CUL9: variants seen among roughly 807,000 people sequenced by gnomAD.
The protein encoded by CUL9 is cullin 9.
A neutral mutation model predicts 272.6 loss-of-function variants in CUL9; 79 were observed. That is an observed-to-expected ratio of 0.29 (90% CI 0.24 to 0.35). CUL9 has a LOEUF of 0.35. CUL9 is among the 10% of genes least tolerant of loss of function. The pLI is 1.00. For missense variants in CUL9, 2,532 were observed against 3,255.6 expected (o/e 0.78, Z 5.41); for synonymous variants, 1,186 against 1,286.5 (o/e 0.92, Z 1.67).
At position 43,187,272 on chromosome 6, in the gene CUL9, A is replaced by G. The variant is rs757166762; in HGVS notation, c.1414A>G (p.Met472Val). The G allele has an allele frequency of 3.7e-6, 6 of 1,613,798 alleles. No homozygotes were observed. In the African/African-American group the frequency reaches 5.3e-5, roughly 14 times the overall value. Residue 472 changes from methionine (M) to valine (V), a missense_variant, in exon 6 of 41, where the codon ATG becomes GTG. Coordinates refer to ENST00000252050, the MANE Select transcript of CUL9 (RefSeq NM_015089.4). ...ATTTCCCTCCTGGGACTGGAATCCT[A>G]TGGATGGGCTGTACCCTTTGCCGTA... is the stretch of plus-strand genomic sequence containing the variant. ...TAFPSWDWNP[M>V]DGLYPLPYLQ...
intron 8 of CUL9, 37 bp from the exon 9 acceptor site, chr6:43,192,964 T>C (rs778681634): frequency 6.2e-7 from 1 of 1,601,234 alleles, no homozygotes; most frequent in Admixed American, 1.7e-5. Flanking sequence ...GCAAGACTCC[T>C]TGGGATGGGG....
In CUL9 at chr6:43,221,439, C is replaced by T; in HGVS notation, c.6752+118C>T. 1 of 1,247,516 alleles carries T rather than the reference C, an allele frequency of 8.0e-7. No homozygotes were observed. The highest frequency in any genetic ancestry group is 1.1e-6 in the Non-Finnish European group (1 of 917,886). 77.3% of individuals were successfully genotyped at this position (1,247,516 alleles called of 1,614,324 possible). A position where few individuals can be genotyped will look rare whatever the true frequency, so the allele number is the denominator to read the frequency against. ...GCAAAAGAGGGTGGTTCCTCAGCCGCCCCTCACGTGGCAGCCTCCACGGTG... is the reference window on the plus strand; with the variant it reads ...GCAAAAGAGGGTGGTTCCTCAGCCGTCCCTCACGTGGCAGCCTCCACGGTG... On this transcript the variant is annotated intron_variant, in intron 34 of 40. Coordinates refer to ENST00000252050, the MANE Select transcript of CUL9 (RefSeq NM_015089.4). This position sits in a 1 kb window ranked among gnomAD's most constrained non-coding sequence, Gnocchi z 4.2.
chr6:43,218,213 T>A lies in CUL9; in HGVS notation c.6282+1710T>A, dbSNP rs1438028907. On this transcript the variant is annotated intron_variant, in intron 31 of 40. Coordinates refer to ENST00000252050, the MANE Select transcript of CUL9 (RefSeq NM_015089.4). The surrounding 1 kb of genome is among the most constrained non-coding windows in gnomAD (Gnocchi z 4.4). ...TTTTATTATATTATTTATTTATTTT[T>A]ATTTTATTATTATTATTTTTTGAGA... 6.6e-6 allele frequency among the ~76,000 whole-genome samples: 1 copy of A among 151,460 alleles called. No homozygotes were observed. Among genetic ancestry groups the A allele is most frequent in the Non-Finnish European group, 1.5e-5 (1 of 67,892 alleles).
rs891730539 is a variant in CUL9, at chr6:43,184,316, G to C, written c.6G>C (p.Val2=). Reference sequence around the variant, plus strand: ...GTGTATCCCAGGAGGTCAGGATGGTGGGGGAACGGCATGCTGGGGACCTCA... The same window carrying C: ...GTGTATCCCAGGAGGTCAGGATGGTCGGGGAACGGCATGCTGGGGACCTCA... M[V]GERHAGDLMV... The change falls in exon 2 of 41, where the codon GTG becomes GTC. Residue 2 remains valine, a synonymous_variant. Coordinates refer to ENST00000252050, the MANE Select transcript of CUL9 (RefSeq NM_015089.4). This position sits in a 1 kb window ranked among gnomAD's most constrained non-coding sequence, Gnocchi z 4.8. The C allele has an allele frequency of 6.6e-7, 1 of 1,514,842 alleles. No individual in the cohort carries two copies. Among genetic ancestry groups the C allele is most frequent in the Non-Finnish European group, 8.9e-7 (1 of 1,127,206 alleles). 93.8% of individuals were successfully genotyped at this position (1,514,842 alleles called of 1,614,324 possible).
chr6:43,184,961 TAAGA>T lies in CUL9; in HGVS notation c.595+61_595+64del. The T allele has an allele frequency of 2.3e-6, 3 of 1,331,850 alleles. No homozygotes were observed. The highest frequency in any genetic ancestry group is 3.1e-6 in the Non-Finnish European group (3 of 975,626). The allele number at this position is 1,331,850 out of a possible 1,614,324, so 82.5% of individuals were successfully genotyped here. On this transcript the variant is annotated intron_variant, in intron 2 of 40. Transcript: ENST00000252050. This position sits in a 1 kb window ranked among gnomAD's most constrained non-coding sequence, Gnocchi z 4.8. The stretch of plus-strand genomic sequence containing the variant: ...ATGGAGAAAATGGGGCCACAGGGAA[TAAGA>T]AAGAGGAGAGATTTCCTAGCTCTGT...
chr6:43,194,672 A>T (rs1038439025), intron 9 of CUL9, among the ~76,000 whole-genome samples: 3 of 152,112 alleles, frequency 2.0e-5, no homozygotes, highest in African/African-American at 7.2e-5. Context: ...CATAGTCCAG[A>T]TCATCATGCT....
At chr6:43,216,988 A>T (rs1775994506) in intron 31 of CUL9, among the ~76,000 whole-genome samples, 1 of 152,186 alleles carries the variant, frequency 6.6e-6, no homozygotes, top group Admixed American at 6.5e-5. Flanking sequence ...GGTTGCCCTT[A>T]TTACCATTTA....
In CUL9 at chr6:43,183,705, T is replaced by C. The variant is rs79082523; in HGVS notation, c.-9-597T>C. Among the ~76,000 whole-genome samples, 201 of 147,244 alleles carry C rather than the reference T, an allele frequency of 1.4e-3. 1 individual carries two copies. Among genetic ancestry groups the C allele is most frequent in the African/African-American group, 4.1e-3 (160 of 39,472 alleles). ...TTTTGTAAACTCCCCTTCCTTCCTT[T>C]CTTCCTTCCTTCCTTCCTTCCTTCC... On this transcript the variant is annotated intron_variant, in intron 1 of 40. Transcript: ENST00000252050.
chr6:43,221,153 C>G lies in CUL9; in HGVS notation c.6589-5C>G. 1 of 1,610,188 alleles carries G rather than the reference C, an allele frequency of 6.2e-7. No individual in the cohort carries two copies. The highest frequency in any genetic ancestry group is 8.5e-7 in the Non-Finnish European group (1 of 1,179,606). On this transcript the variant is annotated splice_polypyrimidine_tract_variant and splice_region_variant and intron_variant, in intron 33 of 40. Coordinates refer to ENST00000252050, the MANE Select transcript of CUL9 (RefSeq NM_015089.4). This position sits in a 1 kb window ranked among gnomAD's most constrained non-coding sequence, Gnocchi z 4.2. ...CTGTGTCCCCACCATGCCCTCTTGCCTTAGGCACACTACCCTGCTAGCTGT... is the reference window on the plus strand; with the variant it reads ...CTGTGTCCCCACCATGCCCTCTTGCGTTAGGCACACTACCCTGCTAGCTGT...
intron 26 of CUL9, among the ~76,000 whole-genome samples, chr6:43,207,803 T>C (rs894282565): frequency 6.6e-6 from 1 of 152,240 alleles, no homozygotes; most frequent in Admixed American, 6.5e-5. Flanking sequence ...GGTCATATTT[T>C]ACCTGTTTCA....
rs1562039465 is a variant in CUL9 at position 43,203,341 on chromosome 6, G to C, written c.3850-76G>C. On this transcript the variant is annotated intron_variant, in intron 18 of 40. Transcript: ENST00000252050. The surrounding 1 kb of genome is among the most constrained non-coding windows in gnomAD (Gnocchi z 5.0). ...GTCCTGAGCAGTTCTAGGGAGCTCAGGGCAGGAGGCTTGGCTTTGGTAGTA... is the reference window on the plus strand; with the variant it reads ...GTCCTGAGCAGTTCTAGGGAGCTCACGGCAGGAGGCTTGGCTTTGGTAGTA... The C allele has an allele frequency of 6.2e-6, 10 of 1,602,902 alleles. No homozygotes were observed. The highest frequency in any genetic ancestry group is 1.7e-5 in the Admixed American group (1 of 59,708).
At chr6:43,208,608 A>G (rs956214368) in intron 26 of CUL9, among the ~76,000 whole-genome samples, 3 of 152,214 alleles carry the variant, frequency 2.0e-5, no homozygotes, top group Non-Finnish European at 2.9e-5. Context: ...TTATGAAGTG[A>G]CATTCTTTCT....
chr6:43,224,558 T>G lies in CUL9; in HGVS notation c.*113T>G. On this transcript the variant is annotated 3_prime_UTR_variant, in exon 41 of 41. Transcript: ENST00000252050. The surrounding 1 kb of genome is among the most constrained non-coding windows in gnomAD (Gnocchi z 4.2). Reference sequence around the variant, plus strand: ...CCCAGCGTCTGTAGTGCTTCCTGTTTGCTGAATAAAGGTCTCTTTCTCACA... The same window carrying G: ...CCCAGCGTCTGTAGTGCTTCCTGTTGGCTGAATAAAGGTCTCTTTCTCACA... The G allele has an allele frequency of 9.8e-7, 1 of 1,020,470 alleles. No homozygotes were observed. Among genetic ancestry groups the G allele is most frequent in the Admixed American group, 2.8e-5 (1 of 35,314 alleles). 63.2% of individuals were successfully genotyped at this position (1,020,470 alleles called of 1,614,324 possible).
In CUL9 at chr6:43,215,210, A is replaced by G; in HGVS notation, c.5820A>G (p.Lys1940=). Residue 1940 remains lysine, a synonymous_variant, in exon 30 of 41, where the codon AAA becomes AAG. Coordinates refer to ENST00000252050, the MANE Select transcript of CUL9 (RefSeq NM_015089.4). ...ACCTCTTAGGCCAGGGCTACGTGAA[A>G]CGGCGTGATGACCGGCCCCAGATCC... ...ILHLLGQGYV[K]RRDDRPQILM... is the part of the protein sequence containing the mutation. The G allele has an allele frequency of 6.2e-7, 1 of 1,614,142 alleles. No homozygotes were observed.
rs146553892 is a variant in CUL9, at chr6:43,202,820, C to T, written c.3752C>T (p.Thr1251Met). The T allele has an allele frequency of 1.4e-4, 231 of 1,613,744 alleles. No individual in the cohort carries two copies. The African/African-American group carries it at 2.6e-3, about 18-fold the overall frequency. ...AGCTGCATCGGCACTGAGCTCAACA[C>T]GGTGGGGACCCTTGTGCCCACCTTC... Reference protein sequence around the residue: ...STSCIGTELNTVNVMPSASRV... With the variant: ...STSCIGTELNMVNVMPSASRV... The change falls in exon 17 of 41, where the codon ACG becomes ATG. Residue 1251 changes from threonine (T) to methionine (M), a missense_variant and splice_region_variant. Physicochemically the swap from Thr to Met is moderately conservative, Grantham distance 81. Transcript: ENST00000252050.
Position 43,220,945 on chromosome 6 carries a change from A to G in CUL9, c.6588+34A>G. ...CCCACACTGGCCCTGACCCTGAGCA[A>G]GGATTCACACTCCTTCCCTGCTTAA... On this transcript the variant is annotated intron_variant, in intron 33 of 40. Transcript: ENST00000252050. This position sits in a 1 kb window ranked among gnomAD's most constrained non-coding sequence, Gnocchi z 4.9. 1 of 1,571,238 alleles carries G rather than the reference A, an allele frequency of 6.4e-7. No individual in the cohort carries two copies.
In CUL9 at chr6:43,184,571, G is replaced by A; in HGVS notation, c.261G>A (p.Lys87=). The stretch of plus-strand genomic sequence containing the variant: ...TGTTAGGTGAGCGGGCACTATCTAA[G>A]GGACTTCAGCACGAACCAGCTGGGG... ...PGLLGERALS[K]GLQHEPAGVS... The change falls in exon 2 of 41, where the codon AAG becomes AAA. Residue 87 remains lysine, a synonymous_variant. Coordinates refer to ENST00000252050, the MANE Select transcript of CUL9 (RefSeq NM_015089.4). This position sits in a 1 kb window ranked among gnomAD's most constrained non-coding sequence, Gnocchi z 4.8. 2 of 1,613,394 alleles carry A rather than the reference G, an allele frequency of 1.2e-6. No homozygotes were observed. Among genetic ancestry groups the A allele is most frequent in the Non-Finnish European group, 1.7e-6 (2 of 1,179,430 alleles).
Position 43,221,384 on chromosome 6 carries a change from G to A in CUL9, c.6752+63G>A, listed in dbSNP as rs1278236247. 8.7e-6 allele frequency: 9 copies of A among 1,033,666 alleles called. No homozygotes were observed. The highest frequency in any genetic ancestry group is 1.3e-5 in the Non-Finnish European group (9 of 699,064). The allele number at this position is 1,033,666 out of a possible 1,614,324, so 64.0% of individuals were successfully genotyped here. ...GAGGGGGGAGGAGGCCTGGCAGAAG[G>A]AGGGGGGAACGGGCTTAGTGTAAAG... On this transcript the variant is annotated intron_variant, in intron 34 of 40. Coordinates refer to ENST00000252050, the MANE Select transcript of CUL9 (RefSeq NM_015089.4). The surrounding 1 kb of genome is among the most constrained non-coding windows in gnomAD (Gnocchi z 4.2).
In CUL9 at chr6:43,223,098, G is replaced by C; in HGVS notation, c.7151-166G>C. The C allele has an allele frequency of 9.3e-7, 1 of 1,077,688 alleles. No homozygotes were observed. The highest frequency in any genetic ancestry group is 1.3e-6 in the Non-Finnish European group (1 of 758,024). The allele number at this position is 1,077,688 out of a possible 1,614,324, so 66.8% of individuals were successfully genotyped here. ...AAGGTGCCCAAGGGCGCAGATGTTC[G>C]TGGATGTTTCTTGGTTTCTGGTCTT... is the stretch of plus-strand genomic sequence containing the variant. On this transcript the variant is annotated intron_variant, in intron 38 of 40. Coordinates refer to ENST00000252050, the MANE Select transcript of CUL9 (RefSeq NM_015089.4). The surrounding 1 kb of genome is among the most constrained non-coding windows in gnomAD (Gnocchi z 4.1).
Sources: gnomAD v4.1 joint callset for allele counts (sites outside exome capture counted in the v4.1 genomes callset) on GRCh38, gnomAD v4.1.1 for gene constraint, Gnocchi (gnomAD v3.1) non-coding constraint, MANE v1.5 for transcripts, NCBI Gene and HGNC (gene_info 2026-07-23, HGNC 2026-07-21) for gene names.